GRID2: variants seen among roughly 807,000 people sequenced by gnomAD.
The protein encoded by GRID2 is glutamate receptor ionotropic, delta-2.
GRID2 carries 33 observed loss-of-function variants against 114.8 expected under a neutral mutation model. The observed-to-expected ratio is 0.29, with a 90% CI of 0.22 to 0.38. The LOEUF (loss-of-function observed/expected upper bound fraction) is 0.38. GRID2 is among the 10% of genes least tolerant of loss of function. The pLI, the probability that GRID2 is intolerant of heterozygous loss-of-function variation, is 1.00. For synonymous variants in GRID2, 505 were observed against 449.9 expected (o/e 1.12, Z -1.55); for missense variants, 1,184 against 1,257.7 (o/e 0.94, Z 0.89).
rs1560713690 is a variant in GRID2, at chr4:93,524,827, ATATATATATATATATATATATATG to A, written c.2193+9421_2193+9444del. Among the ~76,000 whole-genome samples the A allele has an allele frequency of 1.9e-4, 21 of 112,562 alleles. 1 individual carries two copies. The highest frequency in any genetic ancestry group is 3.4e-4 in the Non-Finnish European group (20 of 59,326). 73.8% of individuals were successfully genotyped at this position (112,562 alleles called of 152,430 possible). On this transcript the variant is annotated intron_variant, in intron 13 of 15. Transcript: ENST00000282020. ...TATATATATATATGTATGTATGTAT[ATATATATATATATATATATATATG>A]TATACAAATTCTGTGAATTATACTG...
intron 2 of GRID2, among the ~76,000 whole-genome samples, chr4:92,768,666 G>A (rs1042893291): frequency 6.6e-6 from 1 of 152,168 alleles, no homozygotes; most frequent in East Asian, 1.9e-4. Flanking sequence ...AATCATGGCA[G>A]AAGTTGGAAA....
intron 10 of GRID2, among the ~76,000 whole-genome samples, chr4:93,438,347 G>A (rs1721304099): frequency 6.6e-6 from 1 of 152,094 alleles, no homozygotes; most frequent in Non-Finnish European, 1.5e-5. Context: ...TCACAGAAGA[G>A]GAGAAATTTA....
rs59913514 is a variant in GRID2 at position 93,136,019 on chromosome 4, A to G, written c.735+25066A>G. Reference sequence around the variant, plus strand: ...TAATACAAACTATATGCCACTATTCAAATTAATTACAGGTTCATTTAAACA... The same window carrying G: ...TAATACAAACTATATGCCACTATTCGAATTAATTACAGGTTCATTTAAACA... On this transcript the variant is annotated intron_variant, in intron 4 of 15. Coordinates refer to ENST00000282020, the MANE Select transcript of GRID2 (RefSeq NM_001510.4). Among the ~76,000 whole-genome samples, 1,113 of 152,286 alleles carry G rather than the reference A, an allele frequency of 7.3e-3. 18 individuals are homozygous for G. The highest frequency in any genetic ancestry group is 0.026 in the African/African-American group (1,060 of 41,558).
At chr4:92,832,397 TTTG>T (rs1449838968) in intron 2 of GRID2, among the ~76,000 whole-genome samples, 4 of 152,094 alleles carry the variant, frequency 2.6e-5, no homozygotes, top group South Asian at 4.2e-4. Context: ...TTTGTTTTGT[TTTG>T]TTTTGTTTTT....
chr4:93,350,863 C>T (rs541148641), intron 8 of GRID2, among the ~76,000 whole-genome samples: 1 of 151,930 alleles, frequency 6.6e-6, no homozygotes, highest in South Asian at 2.1e-4. Context: ...AAAGACATAC[C>T]CAAGTCTGGG....
At chr4:92,962,265 G>A (rs558659024) in intron 2 of GRID2, among the ~76,000 whole-genome samples, 27 of 151,834 alleles carry the variant, frequency 1.8e-4, no homozygotes, top group African/African-American at 6.5e-4. Flanking sequence ...GATGTAGTGG[G>A]TAAGTAGAAC....
chr4:92,707,118 G>A (rs1467409956), intron 2 of GRID2, among the ~76,000 whole-genome samples: 1 of 152,012 alleles, frequency 6.6e-6, no homozygotes. Context: ...TAAAAAATCA[G>A]CTAAGTTACA....
At chr4:93,652,189 A>G (rs529819291) in intron 14 of GRID2, among the ~76,000 whole-genome samples, 1 of 152,104 alleles carries the variant, frequency 6.6e-6, no homozygotes, top group Non-Finnish European at 1.5e-5. Context: ...TTGTGTCTTT[A>G]TAAGAAGAGG....
At chr4:93,228,347 A>G (rs1196002849) in intron 7 of GRID2, among the ~76,000 whole-genome samples, 1 of 152,190 alleles carries the variant, frequency 6.6e-6, no homozygotes, top group African/African-American at 2.4e-5. Context: ...CAATTAACCC[A>G]TTATAGTTAT....
At chr4:92,449,308 T>C (rs1350795288) in intron 1 of GRID2, among the ~76,000 whole-genome samples, 1 of 152,112 alleles carries the variant, frequency 6.6e-6, no homozygotes, top group Non-Finnish European at 1.5e-5. Context: ...GCCAGCAAGA[T>C]AGGGAAACAT....
At chr4:93,311,039 G>A (rs1454629705) in intron 8 of GRID2, among the ~76,000 whole-genome samples, 3 of 152,088 alleles carry the variant, frequency 2.0e-5, no homozygotes, top group African/African-American at 4.8e-5. Context: ...AAATTTAGGA[G>A]TAATCACTAT....
chr4:92,768,393 G>A (rs1738371704), intron 2 of GRID2, among the ~76,000 whole-genome samples: 1 of 152,150 alleles, frequency 6.6e-6, no homozygotes, highest in Non-Finnish European at 1.5e-5. Flanking sequence ...CCACATGGTT[G>A]TTCTTAAACA....
At chr4:92,753,998 T>C (rs1737586107) in intron 2 of GRID2, among the ~76,000 whole-genome samples, 1 of 152,216 alleles carries the variant, frequency 6.6e-6, no homozygotes, top group Non-Finnish European at 1.5e-5. Context: ...TCAGTATTTG[T>C]TCTCCATCAT....
intron 8 of GRID2, among the ~76,000 whole-genome samples, chr4:93,333,360 C>T (rs769493608): frequency 6.6e-6 from 1 of 152,118 alleles, no homozygotes; most frequent in Admixed American, 6.6e-5. Context: ...TTAACAAGTT[C>T]CAAAGGATTT....
intron 14 of GRID2, among the ~76,000 whole-genome samples, chr4:93,686,310 G>T (rs180783239): frequency 6.6e-6 from 1 of 151,812 alleles, no homozygotes; most frequent in Non-Finnish European, 1.5e-5. Flanking sequence ...TATCTCATAC[G>T]TATCTCCTTC....
chr4:93,482,591 C>G (rs959116926), intron 11 of GRID2, among the ~76,000 whole-genome samples: 1 of 151,770 alleles, frequency 6.6e-6, no homozygotes, highest in Non-Finnish European at 1.5e-5. Flanking sequence ...GGATGAGGGG[C>G]TTAAAACCTA....
chr4:92,515,718 A>G (rs1724466740), intron 1 of GRID2, among the ~76,000 whole-genome samples: 1 of 151,944 alleles, frequency 6.6e-6, no homozygotes, highest in Non-Finnish European at 1.5e-5. Context: ...TATTTATGTG[A>G]TATTTATTGA....
intron 13 of GRID2, among the ~76,000 whole-genome samples, chr4:93,524,027 T>C (rs1350228588): frequency 6.6e-6 from 1 of 152,058 alleles, no homozygotes; most frequent in East Asian, 1.9e-4. Context: ...CCAAAGTAGA[T>C]GACAATTAAT....
At chr4:93,726,397 A>G (rs974117832) in intron 14 of GRID2, among the ~76,000 whole-genome samples, 3 of 152,150 alleles carry the variant, frequency 2.0e-5, no homozygotes, top group Non-Finnish European at 4.4e-5. Context: ...GCCTTGTAGT[A>G]TAGTTTGAAG....
Sources: gnomAD v4.1 joint callset for allele counts (sites outside exome capture counted in the v4.1 genomes callset) on GRCh38, gnomAD v4.1.1 for gene constraint, MANE v1.5 for transcripts, NCBI Gene and HGNC (gene_info 2026-07-23, HGNC 2026-07-21) for gene names.